ADGRA3: variants seen among roughly 807,000 people sequenced by gnomAD.
ADGRA3 encodes the protein adhesion G protein-coupled receptor A3.
ADGRA3 carries 56 observed loss-of-function variants against 119.8 expected under a neutral mutation model. That is an observed-to-expected ratio of 0.47 (90% confidence interval 0.38 to 0.58). The LOEUF is 0.58. Among genes scored for constraint, ADGRA3 ranks in the 20% least tolerant of loss-of-function variants. ADGRA3 has a pLI of 0.00. For missense variants in ADGRA3, 1,516 were observed against 1,649.0 expected, an observed-to-expected ratio of 0.92 and a Z score of 1.40; for synonymous variants, 607 against 623.8, an observed-to-expected ratio of 0.97 and a Z score of 0.40.
Position 22,413,734 on chromosome 4 carries a change from A to G in ADGRA3, c.1890T>C (p.Asp630=), listed in dbSNP as rs533683078. 4 of 1,613,804 alleles carry G rather than the reference A, an allele frequency of 2.5e-6. No individual in the cohort carries two copies. Among genetic ancestry groups the G allele is most frequent in the African/African-American group, 2.7e-5 (2 of 74,920 alleles). ...PKQKRELRPT[D]DSLYKLQLIA... is the part of the protein sequence containing the mutation. ...TGAGTTGAAGCTTGTAAAGAGAGTC[A>G]TCAGTTGGTCTGAGTTCTCTTTTTT... The change falls in exon 13 of 19, where the codon GAT becomes GAC. Residue 630 remains aspartate (D), a synonymous_variant. Coordinates refer to ENST00000334304, the MANE Select transcript of ADGRA3 (RefSeq NM_145290.4).
chr4:22,515,363 T>C, intron 1 of ADGRA3, 165 bp downstream of exon 1: 1 of 744,866 alleles, frequency 1.3e-6, no homozygotes. Context: ...TGCCTTTCCC[T>C]GAACTGCACC....
intron 2 of ADGRA3, among the ~76,000 whole-genome samples, chr4:22,471,486 C>A (rs1442351208): frequency 1.3e-5 from 2 of 152,126 alleles, no homozygotes; most frequent in Non-Finnish European, 2.9e-5. Context: ...CCTTTCATCA[C>A]TTTTTCTTTC....
chr4:22,495,944 AAAT>A (rs1718808365), intron 1 of ADGRA3, among the ~76,000 whole-genome samples: 1 of 152,234 alleles, frequency 6.6e-6, no homozygotes, highest in Admixed American at 6.5e-5. Flanking sequence ...ATACATGAAA[AAAT>A]AATGATACAA....
At position 22,515,666 on chromosome 4, in the gene ADGRA3, G is replaced by A; in HGVS notation, c.119C>T (p.Pro40Leu). 8.3e-7 allele frequency: 1 copy of A among 1,203,268 alleles called. No homozygotes were observed. The highest frequency in any genetic ancestry group is 1.0e-6 in the Non-Finnish European group (1 of 967,118). The allele number at this position is 1,203,268 out of a possible 1,614,324, so 74.5% of individuals were successfully genotyped here. The change falls in exon 1 of 19, where the codon CCC becomes CTC. Residue 40 changes from proline (P) to leucine (L), a missense_variant. Physicochemically the swap from Pro to Leu is moderately conservative, Grantham distance 98. Coordinates refer to ENST00000334304, the MANE Select transcript of ADGRA3 (RefSeq NM_145290.4). ...GGGGGGAAAL[P>L]AGCKHDGRPR... ...CCGCCCATCGTGCTTGCAGCCGGCG[G>A]GCAGCGCCGCGGCGCCGCCGCCGCC...
intron 1 of ADGRA3, among the ~76,000 whole-genome samples, chr4:22,492,214 C>T (rs6818598): frequency 1.0e-3 from 157 of 152,172 alleles, no homozygotes; most frequent in African/African-American, 3.7e-3. Flanking sequence ...TCCCAACCAG[C>T]GCTTCGTCTC....
chr4:22,432,980 G>C (rs1716247614), intron 10 of ADGRA3, among the ~76,000 whole-genome samples: 1 of 152,170 alleles, frequency 6.6e-6, no homozygotes. Flanking sequence ...ATTTTATGCT[G>C]TGGTAATTAA....
chr4:22,491,272 G>A (rs1269043642), intron 1 of ADGRA3, among the ~76,000 whole-genome samples: 2 of 152,184 alleles, frequency 1.3e-5, no homozygotes, highest in African/African-American at 4.8e-5. Flanking sequence ...GTGCCAGACG[G>A]CAAATACTTT....
chr4:22,510,009 CAAAAA>C (rs545010218), intron 1 of ADGRA3, among the ~76,000 whole-genome samples: 1 of 98,914 alleles, frequency 1.0e-5, no homozygotes, highest in African/African-American at 4.1e-5. Context: ...GACTCCGTCT[CAAAAA>C]AAAAAAAAAA....
At chr4:22,416,469 G>A (rs1034687844) in intron 12 of ADGRA3, among the ~76,000 whole-genome samples, 6 of 152,226 alleles carry the variant, frequency 3.9e-5, no homozygotes, top group Middle Eastern at 3.4e-3. Flanking sequence ...AACACTGCAC[G>A]ACTTTGTTTA....
chr4:22,442,998 G>C (rs1400089967), intron 6 of ADGRA3, 135 bp from the exon 7 acceptor site: 1 of 714,706 alleles, frequency 1.4e-6, no homozygotes, highest in East Asian at 2.7e-5. Flanking sequence ...GCTACTGCTA[G>C]TATCAACCAG....
intron 12 of ADGRA3, among the ~76,000 whole-genome samples, chr4:22,417,108 A>G (rs754030065): frequency 6.6e-6 from 1 of 152,206 alleles, no homozygotes; most frequent in Non-Finnish European, 1.5e-5. Flanking sequence ...ATGCTATAAT[A>G]TCTCCTAATT....
At chr4:22,437,230 G>T (rs1716431264) in intron 8 of ADGRA3, among the ~76,000 whole-genome samples, 2 of 152,046 alleles carry the variant, frequency 1.3e-5, no homozygotes, top group South Asian at 4.1e-4. Context: ...CTACATAAAA[G>T]ACTTATCCAT....
intron 9 of ADGRA3, among the ~76,000 whole-genome samples, 177 bp from the exon 10 acceptor site, chr4:22,435,643 A>T (rs1716363942): frequency 6.6e-6 from 1 of 152,184 alleles, no homozygotes; most frequent in South Asian, 2.1e-4. Flanking sequence ...TTTAATGGAA[A>T]CTCACTGGAG....
intron 10 of ADGRA3, among the ~76,000 whole-genome samples, chr4:22,432,891 T>G (rs1480100488): frequency 6.6e-6 from 1 of 152,208 alleles, no homozygotes; most frequent in Non-Finnish European, 1.5e-5. Flanking sequence ...AAAGAATAAC[T>G]TTCAGACATA....
chr4:22,499,022 T>A (rs182236374), intron 1 of ADGRA3, among the ~76,000 whole-genome samples: 1 of 152,182 alleles, frequency 6.6e-6, no homozygotes, highest in Admixed American at 6.5e-5. Flanking sequence ...GGTCTCAGCT[T>A]GTAAGTGAGG....
chr4:22,400,389 C>T (rs1714564693), intron 16 of ADGRA3, among the ~76,000 whole-genome samples: 1 of 152,020 alleles, frequency 6.6e-6, no homozygotes, highest in African/African-American at 2.4e-5. Context: ...ATCATATTCA[C>T]CAACATAGAT....
chr4:22,485,529 A>T (rs1718407946), intron 1 of ADGRA3, among the ~76,000 whole-genome samples: 1 of 151,770 alleles, frequency 6.6e-6, no homozygotes, highest in South Asian at 2.1e-4. Context: ...GTTCCATGGG[A>T]CTGGTTTGGT....
At chr4:22,450,267 C>CT (rs200219926) in intron 4 of ADGRA3, among the ~76,000 whole-genome samples, 22,294 of 143,580 alleles carry the variant, frequency 0.16, 1,871 homozygotes, top group African/African-American at 0.22. Flanking sequence ...CTTTATGCTT[C>CT]TTTTTTTTTT....
chr4:22,476,248 G>A (rs538742342), intron 1 of ADGRA3, among the ~76,000 whole-genome samples: 11 of 152,126 alleles, frequency 7.2e-5, no homozygotes, highest in African/African-American at 2.2e-4. Flanking sequence ...CAAGCAGCCC[G>A]GCAGAGCATA....
Sources: gnomAD v4.1 joint callset for allele counts (sites outside exome capture counted in the v4.1 genomes callset) on GRCh38, gnomAD v4.1.1 for gene constraint, MANE v1.5 for transcripts, NCBI Gene and HGNC (gene_info 2026-07-23, HGNC 2026-07-21) for gene names.